PIP4K2A: variants seen among roughly 807,000 people sequenced by gnomAD.
The protein encoded by PIP4K2A is phosphatidylinositol 5-phosphate 4-kinase type-2 alpha.
Under a neutral mutation model 42.9 loss-of-function variants are expected in PIP4K2A, and 14 were observed. That is an observed-to-expected ratio of 0.33 (90% CI 0.22 to 0.51). The LOEUF (loss-of-function observed/expected upper bound fraction) is 0.51. Ranked by LOEUF, PIP4K2A falls within the 20% of genes least tolerant of loss-of-function variation. The pLI is 0.97. For missense variants in PIP4K2A, 434 were observed against 519.8 expected (o/e 0.83, Z 1.61); for synonymous variants, 192 against 192.2 (o/e 1.00, Z 0.01).
chr10:22,644,344 T>G (rs1838837948), intron 1 of PIP4K2A, among the ~76,000 whole-genome samples: 1 of 152,198 alleles, frequency 6.6e-6, no homozygotes, highest in Admixed American at 6.5e-5. Context: ...GCCATCAGCA[T>G]GATTCTGCAG....
intron 1 of PIP4K2A, among the ~76,000 whole-genome samples, chr10:22,611,298 G>A (rs1194833413): frequency 6.6e-6 from 1 of 151,946 alleles, no homozygotes; most frequent in East Asian, 1.9e-4. Context: ...GCTGATGAAG[G>A]AAGATCACTT....
chr10:22,648,301 G>A (rs1385920983), intron 1 of PIP4K2A, among the ~76,000 whole-genome samples: 2 of 152,166 alleles, frequency 1.3e-5, no homozygotes, highest in East Asian at 1.9e-4. Flanking sequence ...AGGACGGTGT[G>A]GGGAGAGTTA....
chr10:22,545,959 G>T (rs1836250251), intron 7 of PIP4K2A, among the ~76,000 whole-genome samples: 1 of 152,124 alleles, frequency 6.6e-6, no homozygotes, highest in South Asian at 2.1e-4. Flanking sequence ...TCCTGCCTTG[G>T]CCTCCCAAAC....
chr10:22,659,971 T>C (rs1839171924), intron 1 of PIP4K2A, among the ~76,000 whole-genome samples: 1 of 152,190 alleles, frequency 6.6e-6, no homozygotes, highest in Non-Finnish European at 1.5e-5. Context: ...TCACTTGTCT[T>C]GCGAAGCAGA....
intron 1 of PIP4K2A, among the ~76,000 whole-genome samples, chr10:22,637,920 G>T (rs80300208): frequency 0.012 from 1,793 of 152,310 alleles, 49 homozygotes; most frequent in African/African-American, 0.041. Flanking sequence ...ATTCTGAATG[G>T]ATAATCTGAA....
At chr10:22,637,630 G>A (rs1421718801) in intron 1 of PIP4K2A, among the ~76,000 whole-genome samples, 1 of 152,144 alleles carries the variant, frequency 6.6e-6, no homozygotes, top group Admixed American at 6.5e-5. Flanking sequence ...TTCAATGGCT[G>A]GATGGAATCA....
At chr10:22,609,559 T>C (rs1837984853) in intron 2 of PIP4K2A, 61 bp downstream of exon 2, 1 of 919,810 alleles carries the variant, frequency 1.1e-6, no homozygotes, top group Non-Finnish European at 1.8e-6. Flanking sequence ...TTACAAAAAT[T>C]CACAAAACTT....
chr10:22,621,670 T>C (rs1838333957), intron 1 of PIP4K2A, among the ~76,000 whole-genome samples: 1 of 152,160 alleles, frequency 6.6e-6, no homozygotes, highest in Non-Finnish European at 1.5e-5. Context: ...ACTGAAAAAG[T>C]AAGCAGTGAG....
intron 1 of PIP4K2A, among the ~76,000 whole-genome samples, chr10:22,673,102 C>A (rs924144826): frequency 6.6e-6 from 1 of 152,180 alleles, no homozygotes; most frequent in Non-Finnish European, 1.5e-5. Flanking sequence ...AACCTCTAGC[C>A]AGAATGCCCT....
At chr10:22,642,584 G>A (rs1838802248) in intron 1 of PIP4K2A, among the ~76,000 whole-genome samples, 1 of 107,602 alleles carries the variant, frequency 9.3e-6, no homozygotes, top group Non-Finnish European at 1.9e-5. Flanking sequence ...ATTTATATGT[G>A]TATTTATAAA....
intron 1 of PIP4K2A, among the ~76,000 whole-genome samples, chr10:22,641,467 G>C (rs1255560148): frequency 6.6e-6 from 1 of 151,610 alleles, no homozygotes; most frequent in Non-Finnish European, 1.5e-5. Context: ...TTAAAGATGG[G>C]GTCTTGCTCT....
At chr10:22,651,032 CCA>C (rs1838984315) in intron 1 of PIP4K2A, among the ~76,000 whole-genome samples, 2 of 152,202 alleles carry the variant, frequency 1.3e-5, no homozygotes, top group South Asian at 4.1e-4. Flanking sequence ...TCTCTGAGCT[CCA>C]GACTTCCACG....
intron 1 of PIP4K2A, among the ~76,000 whole-genome samples, chr10:22,674,632 A>C (rs1298227518): frequency 6.6e-6 from 1 of 151,980 alleles, no homozygotes; most frequent in Non-Finnish European, 1.5e-5. Flanking sequence ...TGAACCACTA[A>C]CGAATTTTGT....
chr10:22,563,866 G>A (rs1356799272), intron 6 of PIP4K2A, among the ~76,000 whole-genome samples: 1 of 152,214 alleles, frequency 6.6e-6, no homozygotes, highest in African/African-American at 2.4e-5. Flanking sequence ...ATTTAAAACG[G>A]TCTGGCATAT....
intron 1 of PIP4K2A, among the ~76,000 whole-genome samples, chr10:22,664,022 CATATATATACATATAT>C (rs1839259005): frequency 9.0e-6 from 1 of 110,962 alleles, no homozygotes; most frequent in East Asian, 2.2e-4. Context: ...TCTCTCTCTC[CATATATATACATATAT>C]ATATATATAC....
intron 3 of PIP4K2A, among the ~76,000 whole-genome samples, chr10:22,602,285 C>G (rs1837800416): frequency 6.6e-6 from 1 of 151,218 alleles, no homozygotes; most frequent in South Asian, 2.1e-4. Context: ...CCCAGGTACT[C>G]AGGGGGCTGA....
intron 1 of PIP4K2A, among the ~76,000 whole-genome samples, chr10:22,652,304 A>AT (rs1839012562): frequency 6.6e-6 from 1 of 151,994 alleles, no homozygotes; most frequent in Non-Finnish European, 1.5e-5. Context: ...TATTTTTAGT[A>AT]GAGACAGGGT....
chr10:22,541,777 A>G (rs775334766), intron 8 of PIP4K2A, 27 bp downstream of exon 8: 1 of 1,507,498 alleles, frequency 6.6e-7, no homozygotes, highest in South Asian at 1.4e-5. Context: ...TTCACATGCA[A>G]AAAGGGTCCA....
chr10:22,574,648 G>C (rs536262359), intron 4 of PIP4K2A, among the ~76,000 whole-genome samples: 75 of 152,144 alleles, frequency 4.9e-4, no homozygotes, highest in African/African-American at 1.7e-3. Context: ...TAGAGTTTTG[G>C]CAAGTTTTAA....
Sources: allele counts gnomAD v4.1 joint callset (sites outside exome capture counted in the v4.1 genomes callset), GRCh38; gene constraint gnomAD v4.1.1; transcripts MANE v1.5; gene names NCBI Gene and HGNC (gene_info 2026-07-23, HGNC 2026-07-21).